KREMEN1: variants seen among roughly 807,000 people sequenced by gnomAD.
KREMEN1 encodes kremen protein 1.
A neutral mutation model predicts 46.5 loss-of-function variants in KREMEN1; 30 were observed. That is an observed-to-expected ratio of 0.65 (90% CI 0.48 to 0.88). The LOEUF (loss-of-function observed/expected upper bound fraction) is 0.88, where lower values mean the gene tolerates loss of function less well. Ranked by LOEUF, KREMEN1 falls within the 40% of genes least tolerant of loss-of-function variation. KREMEN1 has a pLI of 0.00. For synonymous variants in KREMEN1, 214 were observed against 230.6 expected (o/e 0.93, Z 0.65); for missense variants, 533 against 596.9 (o/e 0.89, Z 1.11).
chr22:29,105,609 T>C (rs1206946296), intron 3 of KREMEN1, among the ~76,000 whole-genome samples: 5 of 152,116 alleles, frequency 3.3e-5, no homozygotes, highest in Admixed American at 3.3e-4. Flanking sequence ...GGCTAGATGA[T>C]GTCAGGTCTT....
Position 29,094,324 on chromosome 22 carries a change from A to T in KREMEN1, c.164A>T (p.Lys55Met). 6.2e-7 allele frequency: 1 copy of T among 1,613,734 alleles called. No individual in the cohort carries two copies. The highest frequency in any genetic ancestry group is 8.5e-7 in the Non-Finnish European group (1 of 1,179,638). Residue 55 changes from lysine (K) to methionine (M), a missense_variant, in exon 2 of 9, where the codon AAG becomes ATG. Physicochemically the swap from Lys to Met is moderately conservative, Grantham distance 95 (BLOSUM62 -1). Coordinates refer to ENST00000400335, the MANE Select transcript of KREMEN1 (RefSeq NM_001039570.3). ...AACTGGACAGCACTACAAGGCGGGAAGCCATGTCTGTTTTGGAACGAGACT... is the reference window on the plus strand; with the variant it reads ...AACTGGACAGCACTACAAGGCGGGATGCCATGTCTGTTTTGGAACGAGACT... Reference protein sequence around the residue: ...TQNWTALQGGKPCLFWNETFQ... With the variant: ...TQNWTALQGGMPCLFWNETFQ...
chr22:29,113,643 G>GC (rs2038186296), intron 3 of KREMEN1, among the ~76,000 whole-genome samples: 1 of 152,216 alleles, frequency 6.6e-6, no homozygotes, highest in Admixed American at 6.5e-5. Flanking sequence ...GAGCTGAGAA[G>GC]GGCTGTGATG....
chr22:29,126,115 C>CA (rs5844835), intron 5 of KREMEN1, among the ~76,000 whole-genome samples: 9 of 143,584 alleles, frequency 6.3e-5, no homozygotes, highest in African/African-American at 1.5e-4. Flanking sequence ...TGGAGGCAGA[C>CA]AAAAAAAAAA....
chr22:29,121,097 A>AT (rs2038348953), intron 3 of KREMEN1, among the ~76,000 whole-genome samples: 1 of 110,464 alleles, frequency 9.1e-6, no homozygotes, highest in African/African-American at 2.9e-5. Flanking sequence ...AATATTAAAC[A>AT]GTTTTTTTTT....
chr22:29,138,937 AG>A (rs1052006913), intron 7 of KREMEN1, 155 bp downstream of exon 7: 2 of 1,136,014 alleles, frequency 1.8e-6, no homozygotes, highest in Admixed American at 2.1e-5. Context: ...CTGGCTTTTG[AG>A]GGAAATTTTC....
Position 29,137,559 on chromosome 22 carries a change from CT to C in KREMEN1, c.851del (p.Phe284SerfsTer58). 2 of 1,613,920 alleles carry C rather than the reference CT, an allele frequency of 1.2e-6. No homozygotes were observed. The highest frequency in any genetic ancestry group is 1.7e-6 in the Non-Finnish European group (2 of 1,179,772). On this transcript the variant is annotated frameshift_variant, in exon 6 of 9. Coordinates refer to ENST00000400335, the MANE Select transcript of KREMEN1 (RefSeq NM_001039570.3). LOFTEE classifies it high-confidence loss of function. Reference sequence around the variant, plus strand: ...GCTACACCCACCGTGTCCTAGCCCGCTTCCACGGGAGGAGCCGCCCACCTCT... The same window carrying C: ...GCTACACCCACCGTGTCCTAGCCCGCTCCACGGGAGGAGCCGCCCACCTCT... ...DGYTHRVLAR[F>X]HGRSRPPLSF...
At chr22:29,101,252 CAA>C (rs368843166) in intron 3 of KREMEN1, among the ~76,000 whole-genome samples, 1,435 of 74,736 alleles carry the variant, frequency 0.019, 4 homozygotes, top group Non-Finnish European at 0.024. Flanking sequence ...AGTCTGTCTC[CAA>C]AAAAAAAAAA....
chr22:29,083,644 G>A (rs1343239818), intron 1 of KREMEN1, among the ~76,000 whole-genome samples: 1 of 152,038 alleles, frequency 6.6e-6, no homozygotes, highest in African/African-American at 2.4e-5. Flanking sequence ...CCAGCCTGGC[G>A]AACATGGGGA....
intron 1 of KREMEN1, among the ~76,000 whole-genome samples, chr22:29,093,476 T>G (rs2037832508): frequency 6.6e-6 from 1 of 152,228 alleles, no homozygotes; most frequent in South Asian, 2.1e-4. Flanking sequence ...CCTATCAGCC[T>G]CAGTCCCCAT....
chr22:29,166,512 A>T (rs1418497575), intron 9 of KREMEN1, among the ~76,000 whole-genome samples: 1 of 152,196 alleles, frequency 6.6e-6, no homozygotes, highest in Non-Finnish European at 1.5e-5. Flanking sequence ...CAAAAGCCCA[A>T]ATTAAGGAAT....
At chr22:29,109,139 T>G (rs1281638654) in intron 3 of KREMEN1, among the ~76,000 whole-genome samples, 4 of 152,104 alleles carry the variant, frequency 2.6e-5, no homozygotes, top group Non-Finnish European at 4.4e-5. Flanking sequence ...TATTTTTTGG[T>G]TTTTGCCAGT....
chr22:29,074,458 C>T (rs2037534171), intron 1 of KREMEN1, among the ~76,000 whole-genome samples: 1 of 152,250 alleles, frequency 6.6e-6, no homozygotes, highest in Non-Finnish European at 1.5e-5. Context: ...GGCCCTGGAC[C>T]AGGATGAAGC....
rs556051971 is a variant in KREMEN1, at chr22:29,153,904, G to A, written c.1416+11804G>A. On this transcript the variant is annotated intron_variant, in intron 9 of 9. Coordinates refer to the KREMEN1 transcript ENST00000327813. ...GGAGAATCGCTTGAACCTGGGAGGC[G>A]GAGGTTGCAGTGAGCCGAGATCTAG... 4.6e-5 allele frequency among the ~76,000 whole-genome samples: 7 copies of A among 151,456 alleles called. No homozygotes were observed. In the East Asian group the frequency reaches 1.2e-3, roughly 25 times the overall value.
At position 29,145,016 on chromosome 22, in the gene KREMEN1, C is replaced by T. The variant is rs937785532; in HGVS notation, c.*2904C>T. The T allele has an allele frequency of 2.1e-5, 21 of 985,392 alleles. No individual in the cohort carries two copies. In the African/African-American group the frequency reaches 2.3e-4, roughly 11 times the overall value. 61.0% of individuals were successfully genotyped at this position (985,392 alleles called of 1,614,324 possible). A position where few individuals can be genotyped will look rare whatever the true frequency, so the allele number is the denominator to read the frequency against. On this transcript the variant is annotated 3_prime_UTR_variant, in exon 9 of 9. Coordinates refer to ENST00000400335, the MANE Select transcript of KREMEN1 (RefSeq NM_001039570.3). ...CCCAAATCTGGCTCAGGACAGCGTA[C>T]GGGCAGGAGGGCTGTAAATCATCCC...
At chr22:29,130,762 A>C (rs146753838) in intron 5 of KREMEN1, among the ~76,000 whole-genome samples, 170 of 152,346 alleles carry the variant, frequency 1.1e-3, no homozygotes, top group African/African-American at 3.8e-3. Flanking sequence ...AGAGAATCAC[A>C]GAAGGCAGGA....
intron 9 of KREMEN1, among the ~76,000 whole-genome samples, chr22:29,158,414 GGGAGAACAGC>G (rs1416739972): frequency 6.6e-6 from 1 of 152,164 alleles, no homozygotes; most frequent in Non-Finnish European, 1.5e-5. Context: ...GGAAGGAAAA[GGGAGAACAGC>G]GGAGAGGCGC....
intron 5 of KREMEN1, among the ~76,000 whole-genome samples, chr22:29,134,729 A>G (rs1386215154): frequency 6.6e-6 from 1 of 152,040 alleles, no homozygotes; most frequent in African/African-American, 2.4e-5. Flanking sequence ...TGTTTCTATC[A>G]CTACCCTCAA....
At chr22:29,090,368 T>TG (rs2037787276) in intron 1 of KREMEN1, among the ~76,000 whole-genome samples, 1 of 152,060 alleles carries the variant, frequency 6.6e-6, no homozygotes, top group South Asian at 2.1e-4. Context: ...CAGCAGACAC[T>TG]GGGGTCTACT....
chr22:29,105,141 A>G (rs1317892225), intron 3 of KREMEN1, among the ~76,000 whole-genome samples: 1 of 152,120 alleles, frequency 6.6e-6, no homozygotes, highest in African/African-American at 2.4e-5. Context: ...AGCACCCAGG[A>G]GGGCCATCTG....
Sources: allele counts gnomAD v4.1 joint callset (sites outside exome capture counted in the v4.1 genomes callset), GRCh38; gene constraint gnomAD v4.1.1; transcripts MANE v1.5; gene names NCBI Gene and HGNC (gene_info 2026-07-23, HGNC 2026-07-21).